The following RAPGEF6 variants were observed in gnomAD, a reference collection of about 807,000 sequenced individuals.
The protein encoded by RAPGEF6 is PDZ domain containing guanine nucleotide exchange factor (GEF) 2.
In RAPGEF6, 56 loss-of-function variants were observed where a neutral mutation model predicts 171.4. The observed-to-expected ratio is 0.33, with a 90% CI of 0.26 to 0.41. The LOEUF (loss-of-function observed/expected upper bound fraction) is 0.41. RAPGEF6 is among the 10% of genes least tolerant of loss of function. The pLI, the probability that RAPGEF6 is intolerant of heterozygous loss-of-function variation, is 1.00. For missense variants in RAPGEF6, 1,674 were observed against 1,921.4 expected (o/e 0.87, Z 2.41); for synonymous variants, 692 against 650.1 (o/e 1.06, Z -0.98).
At chr5:131,531,159 T>C (rs1156865722) in intron 6 of RAPGEF6, among the ~76,000 whole-genome samples, 2 of 152,218 alleles carry the variant, frequency 1.3e-5, no homozygotes, top group East Asian at 1.9e-4. Flanking sequence ...GATGCTATCA[T>C]AGGATTTCTT....
chr5:131,516,697 AAAG>A (rs1338908665), intron 7 of RAPGEF6, among the ~76,000 whole-genome samples: 3 of 152,236 alleles, frequency 2.0e-5, no homozygotes, highest in African/African-American at 7.2e-5. Flanking sequence ...AGGAATCTAG[AAAG>A]AAGTACTCCT....
intron 5 of RAPGEF6, among the ~76,000 whole-genome samples, chr5:131,548,930 G>A (rs1225222494): frequency 2.6e-5 from 4 of 152,124 alleles, no homozygotes; most frequent in African/African-American, 7.2e-5. Flanking sequence ...CAGGCATGGT[G>A]GTGTGCACCT....
chr5:131,616,568 A>G (rs1252600404), intron 1 of RAPGEF6, among the ~76,000 whole-genome samples: 1 of 152,068 alleles, frequency 6.6e-6, no homozygotes, highest in African/African-American at 2.4e-5. Context: ...AAATTTTTGC[A>G]TTTTTCTGGT....
intron 1 of RAPGEF6, among the ~76,000 whole-genome samples, chr5:131,614,814 A>C (rs1261001955): frequency 6.6e-6 from 1 of 152,192 alleles, no homozygotes; most frequent in Non-Finnish European, 1.5e-5. Context: ...TTTTTCTAGT[A>C]TCCCAAGCCT....
chr5:131,627,593 G>A (rs1167527699), intron 1 of RAPGEF6, among the ~76,000 whole-genome samples: 4 of 152,214 alleles, frequency 2.6e-5, no homozygotes, highest in Admixed American at 6.5e-5. Context: ...AATGTGGATT[G>A]AGCTGAGAAA....
intron 1 of RAPGEF6, among the ~76,000 whole-genome samples, chr5:131,614,537 A>C (rs570051371): frequency 1.3e-5 from 2 of 152,234 alleles, no homozygotes; most frequent in African/African-American, 4.8e-5. Flanking sequence ...ATCTCAAGAG[A>C]ATGAACTCTC....
intron 4 of RAPGEF6, among the ~76,000 whole-genome samples, chr5:131,564,348 CAA>C (rs1238846129): frequency 2.6e-5 from 4 of 152,074 alleles, no homozygotes; most frequent in Non-Finnish European, 4.4e-5. Context: ...TATGTGAGAA[CAA>C]AGAGTCACAG....
intron 15 of RAPGEF6, among the ~76,000 whole-genome samples, chr5:131,486,639 C>G (rs1354282455): frequency 2.0e-5 from 3 of 151,778 alleles, no homozygotes; most frequent in African/African-American, 7.3e-5. Context: ...TTCTTTCAAA[C>G]AAATGTTTTT....
intron 19 of RAPGEF6, among the ~76,000 whole-genome samples, chr5:131,457,289 T>C (rs868633307): frequency 5.9e-5 from 9 of 152,348 alleles, no homozygotes; most frequent in South Asian, 2.1e-4. Flanking sequence ...CAGGCTGGTC[T>C]TGAATTCCTG....
chr5:131,612,364 T>C (rs1013203818), intron 1 of RAPGEF6, among the ~76,000 whole-genome samples: 2 of 152,210 alleles, frequency 1.3e-5, no homozygotes, highest in African/African-American at 4.8e-5. Flanking sequence ...TTAGATGATT[T>C]TGCCCAACTG....
intron 4 of RAPGEF6, among the ~76,000 whole-genome samples, chr5:131,585,338 A>ATG (rs1763194543): frequency 6.6e-6 from 1 of 150,762 alleles, no homozygotes; most frequent in African/African-American, 2.5e-5. Flanking sequence ...ACATACATAT[A>ATG]TATCTCCATG....
At chr5:131,614,187 C>T (rs867004427) in intron 1 of RAPGEF6, among the ~76,000 whole-genome samples, 1 of 141,318 alleles carries the variant, frequency 7.1e-6, no homozygotes, top group Admixed American at 7.7e-5. Flanking sequence ...GAGGCTGAGG[C>T]AGGAGAATCG....
chr5:131,534,407 T>C (rs1191572219), intron 6 of RAPGEF6, among the ~76,000 whole-genome samples: 3 of 152,172 alleles, frequency 2.0e-5, no homozygotes, highest in Non-Finnish European at 4.4e-5. Flanking sequence ...AGTTATGCTT[T>C]CAAAATATGT....
intron 6 of RAPGEF6, chr5:131,532,142 C>T (rs1466056533): frequency 4.4e-6 from 2 of 453,420 alleles, no homozygotes; most frequent in Non-Finnish European, 8.8e-6. Flanking sequence ...TAACAGCGAA[C>T]AAGAAAAGCC....
intron 20 of RAPGEF6, among the ~76,000 whole-genome samples, chr5:131,454,682 T>C (rs577290831): frequency 1.3e-5 from 2 of 152,280 alleles, no homozygotes; most frequent in South Asian, 4.1e-4. Flanking sequence ...ATAAAATTAC[T>C]GAGAATTTTC....
intron 13 of RAPGEF6, among the ~76,000 whole-genome samples, chr5:131,493,226 G>A (rs550864665): frequency 1.3e-5 from 2 of 152,058 alleles, no homozygotes; most frequent in African/African-American, 2.4e-5. Flanking sequence ...CACCATGCCC[G>A]GCTAATTTTT....
chr5:131,471,087 C>T (rs1267829554), intron 17 of RAPGEF6, among the ~76,000 whole-genome samples: 2 of 152,208 alleles, frequency 1.3e-5, no homozygotes, highest in Admixed American at 1.3e-4. Context: ...GTTTAATTAA[C>T]TTTATACTTT....
rs1466156805 is a variant in RAPGEF6, at chr5:131,464,062, T to A, written c.2459A>T (p.Asp820Val). 1.2e-6 allele frequency: 2 copies of A among 1,602,814 alleles called. No individual in the cohort carries two copies. Among genetic ancestry groups the A allele is most frequent in the Non-Finnish European group, 1.7e-6 (2 of 1,174,052 alleles). ...TCACCTTCCATTGAGTTGAATTCTATCAGCTAATTTGGAGAACTGATCTGG... is the reference window on the plus strand; with the variant it reads ...TCACCTTCCATTGAGTTGAATTCTAACAGCTAATTTGGAGAACTGATCTGG... ...RLPDQFSKLA[D>V]RIQLNGRYYL... is the part of the protein sequence containing the mutation. The change falls in exon 18 of 28, where the codon GAT becomes GTT. Residue 820 changes from aspartate to valine, a missense_variant. Around this residue, in one of 3 missense-constraint regions of RAPGEF6, gnomAD observed 1,116 missense variants for 1,321.5 expected, o/e 0.84. Coordinates refer to ENST00000509018, the MANE Select transcript of RAPGEF6 (RefSeq NM_016340.6).
At chr5:131,623,160 G>C (rs1218031279) in intron 1 of RAPGEF6, among the ~76,000 whole-genome samples, 1 of 152,138 alleles carries the variant, frequency 6.6e-6, no homozygotes, top group African/African-American at 2.4e-5. Context: ...GAATCATCTG[G>C]TGAAAGAACA....
Sources: allele counts gnomAD v4.1 joint callset (sites outside exome capture counted in the v4.1 genomes callset), GRCh38; gene constraint gnomAD v4.1.1; regional missense constraint gnomAD v4.1.1; transcripts MANE v1.5; gene names NCBI Gene and HGNC (gene_info 2026-07-23, HGNC 2026-07-21).